Variants in PPP1R1A observed in about 807,000 individuals in gnomAD.
PPP1R1A encodes the protein protein phosphatase 1 regulatory subunit 1A.
In PPP1R1A, 18 loss-of-function variants were observed where a neutral mutation model predicts 23.9. The observed-to-expected ratio is 0.75, with a 90% CI of 0.52 to 1.12. The LOEUF (loss-of-function observed/expected upper bound fraction) is 1.12. PPP1R1A is among the 50% of genes most tolerant of loss of function. PPP1R1A has a pLI of 0.00. For missense variants in PPP1R1A, 207 were observed against 223.8 expected (o/e 0.92, Z 0.48); for synonymous variants, 84 against 80.7 (o/e 1.04, Z -0.22).
At chr12:54,582,895 T>C in intron 3 of PPP1R1A, 100 bp from the exon 4 acceptor site, 2 of 1,240,048 alleles carry the variant, frequency 1.6e-6, no homozygotes, top group Non-Finnish European at 2.3e-6. Flanking sequence ...CCCCCTTGCC[T>C]TCCTCCTCTG....
intron 3 of PPP1R1A, among the ~76,000 whole-genome samples, 175 bp downstream of exon 3, chr12:54,583,036 G>A (rs1169824479): frequency 6.6e-6 from 1 of 151,994 alleles, no homozygotes. Context: ...GTGTATGTGA[G>A]TGTGTGTGTG....
chr12:54,579,537 G>GA lies in PPP1R1A; in HGVS notation c.*849dup. On this transcript the variant is annotated 3_prime_UTR_variant, in exon 7 of 7. Transcript: ENST00000257905. ...TCCTTTCCTCTCTCCCACTACCTGGGAAAATCAAAAACAGCAGCAGGAGAG... is the reference window on the plus strand; with the variant it reads ...TCCTTTCCTCTCTCCCACTACCTGGGAAAAATCAAAAACAGCAGCAGGAGAG... The GA allele has an allele frequency of 1.0e-6, 1 of 985,358 alleles. No homozygotes were observed. The highest frequency in any genetic ancestry group is 1.2e-6 in the Non-Finnish European group (1 of 829,948). 61.0% of individuals were successfully genotyped at this position (985,358 alleles called of 1,614,324 possible). A position where few individuals can be genotyped will look rare whatever the true frequency, so the allele number is the denominator to read the frequency against.
chr12:54,588,254 A>C, intron 1 of PPP1R1A, 151 bp downstream of exon 1: 19 of 250,526 alleles, frequency 7.6e-5, no homozygotes, highest in East Asian at 5.9e-4. Context: ...AGGGGACAGA[A>C]GACCCCCCCC....
rs776705949 is a variant in PPP1R1A at position 54,584,300 on chromosome 12, G to A, written c.105C>T (p.Thr35=). Residue 35 remains threonine (T), a synonymous_variant, in exon 2 of 7, where the codon ACC becomes ACT. Transcript: ENST00000257905. ...AAEQIRRRRP[T]PATLVLTSDQ... is the part of the protein sequence containing the mutation. ...CACTGGTCAGCACGAGGGTGGCAGG[G>A]GTGGGGCGGCGCCTCCGAATCTGAG... 1.9e-6 allele frequency: 3 copies of A among 1,604,522 alleles called. No homozygotes were observed. The highest frequency in any genetic ancestry group is 2.6e-6 in the Non-Finnish European group (3 of 1,176,004).
intron 3 of PPP1R1A, 93 bp from the exon 4 acceptor site, chr12:54,582,888 C>A: frequency 3.8e-6 from 5 of 1,311,290 alleles, no homozygotes; most frequent in Non-Finnish European, 4.3e-6. Flanking sequence ...CTCCAGCCCC[C>A]CTTGCCTTCC....
chr12:54,580,268 C>A lies in PPP1R1A; in HGVS notation c.*119G>T, dbSNP rs1390374646. 2 of 1,525,482 alleles carry A rather than the reference C, an allele frequency of 1.3e-6. No homozygotes were observed. The highest frequency in any genetic ancestry group is 2.8e-5 in the African/African-American group (2 of 72,380). 94.5% of individuals were successfully genotyped at this position (1,525,482 alleles called of 1,614,324 possible). On this transcript the variant is annotated 3_prime_UTR_variant, in exon 7 of 7. Coordinates refer to ENST00000257905, the MANE Select transcript of PPP1R1A (RefSeq NM_006741.4). ...GAAGGAAAGTGCCAAGGACCTAACA[C>A]CAAATTTATCACTTTTTAAAAACAA...
Position 54,581,987 on chromosome 12 carries a change from C to A in PPP1R1A, c.392G>T (p.Gly131Val), listed in dbSNP as rs763570840. Residue 131 changes from glycine to valine, a missense_variant, in exon 5 of 7, where the codon GGG becomes GTG. Physicochemically the swap from Gly to Val is moderately radical, Grantham distance 109. Transcript: ENST00000257905. The surrounding 1 kb of genome is among the most constrained non-coding windows in gnomAD (Gnocchi z 4.1). ...CAGCCTGAACATACTTTTTGCTGTC[C>A]CAGAGGTGCCCAGCCTTGACTCCAC... ...TEVESRLGTS[G>V]TAKKTAECIP... 3 of 1,611,828 alleles carry A rather than the reference C, an allele frequency of 1.9e-6. No individual in the cohort carries two copies. In the Admixed American group the frequency reaches 5.0e-5, roughly 27 times the overall value.
rs1957857493 is a variant in PPP1R1A, at chr12:54,581,731, C to T, written c.403+245G>A. 6.6e-6 allele frequency among the ~76,000 whole-genome samples: 1 copy of T among 152,206 alleles called. No homozygotes were observed. ...TTGCTGTTCCCATGAAGGTGGGTTT[C>T]CCCCATGTAGCCACAGTGGGGCTCT... On this transcript the variant is annotated intron_variant, in intron 5 of 6. Transcript: ENST00000257905. The surrounding 1 kb of genome is among the most constrained non-coding windows in gnomAD (Gnocchi z 4.1).
chr12:54,581,142 G>T lies in PPP1R1A; in HGVS notation c.404-92C>A, dbSNP rs1347246690. The T allele has an allele frequency of 1.8e-5, 18 of 1,020,182 alleles. No homozygotes were observed. The Admixed American group carries it at 2.8e-4, about 16-fold the overall frequency. The allele number at this position is 1,020,182 out of a possible 1,614,324, so 63.2% of individuals were successfully genotyped here. On this transcript the variant is annotated intron_variant, in intron 5 of 6. Transcript: ENST00000257905. The surrounding 1 kb of genome is among the most constrained non-coding windows in gnomAD (Gnocchi z 4.1). ...TTCTCCTCACTGCACCCATACCCCA[G>T]TGGCCCCTGAGAGGGCCCCAGGACC...
rs927202818 is a variant in PPP1R1A at position 54,580,149 on chromosome 12, T to C, written c.*238A>G. The C allele has an allele frequency of 1.3e-5, 18 of 1,338,732 alleles. No homozygotes were observed. The highest frequency in any genetic ancestry group is 1.7e-5 in the Non-Finnish European group (18 of 1,041,152). 82.9% of individuals were successfully genotyped at this position (1,338,732 alleles called of 1,614,324 possible). On this transcript the variant is annotated 3_prime_UTR_variant, in exon 7 of 7. Transcript: ENST00000257905. ...CTCAAGGCTTCTGCCTAGCTCCTGT[T>C]TCTTCCTTCCCAGAGGCAGCTTGGC...
rs757313066 is a variant in PPP1R1A at position 54,581,821 on chromosome 12, G to A, written c.403+155C>T. Among the ~76,000 whole-genome samples the A allele has an allele frequency of 2.0e-5, 3 of 152,142 alleles. No individual in the cohort carries two copies. Among genetic ancestry groups the A allele is most frequent in the Admixed American group, 6.5e-5 (1 of 15,280 alleles). On this transcript the variant is annotated intron_variant, in intron 5 of 6. Coordinates refer to ENST00000257905, the MANE Select transcript of PPP1R1A (RefSeq NM_006741.4). The surrounding 1 kb of genome is among the most constrained non-coding windows in gnomAD (Gnocchi z 4.1). ...AAAAGTGAAGATTCAAATATATGCC[G>A]AACATGCCAACAGATCCATATCCTT...
intron 1 of PPP1R1A, among the ~76,000 whole-genome samples, chr12:54,586,596 A>C (rs577501023): frequency 1.3e-5 from 2 of 152,306 alleles, no homozygotes; most frequent in East Asian, 3.9e-4. Context: ...CTTTTTGCCT[A>C]ACACAGCAGG....
chr12:54,587,415 A>G (rs1592185082), intron 1 of PPP1R1A, among the ~76,000 whole-genome samples: 1 of 152,230 alleles, frequency 6.6e-6, no homozygotes, highest in Non-Finnish European at 1.5e-5. Context: ...GATTACAAAG[A>G]GATGGAGCAA....
rs1267388158 is a variant in PPP1R1A at position 54,582,033 on chromosome 12, G to C, written c.346C>G (p.Pro116Ala). The change falls in exon 5 of 7, where the codon CCT (proline) becomes GCT (alanine). Residue 116 changes from proline (P) to alanine (A), a missense_variant. Physicochemically the swap from Pro to Ala is conservative, Grantham distance 27. Transcript: ENST00000257905. The stretch of plus-strand genomic sequence containing the variant: ...TCCACTTCTGTGTCTGGGATCCCAG[G>C]TGGGCGGGACTCCTGGGTTCCTGTG... ...ESTGTQESRP[P>A]GIPDTEVESR... 1 of 1,613,778 alleles carries C rather than the reference G, an allele frequency of 6.2e-7. No individual in the cohort carries two copies. Among genetic ancestry groups the C allele is most frequent in the Admixed American group, 1.7e-5 (1 of 60,024 alleles).
intron 2 of PPP1R1A, among the ~76,000 whole-genome samples, chr12:54,583,906 G>C (rs934265634): frequency 1.3e-5 from 2 of 152,146 alleles, no homozygotes; most frequent in Non-Finnish European, 2.9e-5. Context: ...TGAAGAGCTG[G>C]TGGAGGCGGT....
At position 54,582,501 on chromosome 12, in the gene PPP1R1A, T is replaced by C. The variant is rs546647685; in HGVS notation, c.247+231A>G. 9.2e-5 allele frequency among the ~76,000 whole-genome samples: 14 copies of C among 152,266 alleles called. No individual in the cohort carries two copies. In the South Asian group the frequency reaches 2.5e-3, roughly 27 times the overall value. Reference sequence around the variant, plus strand: ...TGCACTGTGCCGGTGAGTTCACATATATTATTTTATCTGCCATAATGAGGT... The same window carrying C: ...TGCACTGTGCCGGTGAGTTCACATACATTATTTTATCTGCCATAATGAGGT... On this transcript the variant is annotated intron_variant, in intron 4 of 6. Transcript: ENST00000257905.
In PPP1R1A at chr12:54,581,135, T is replaced by C; in HGVS notation, c.404-85A>G. 2.8e-6 allele frequency: 3 copies of C among 1,066,612 alleles called. No homozygotes were observed. The highest frequency in any genetic ancestry group is 2.4e-5 in the East Asian group (1 of 42,222). 66.1% of individuals were successfully genotyped at this position (1,066,612 alleles called of 1,614,324 possible). ...GAACTGCTTCTCCTCACTGCACCCA[T>C]ACCCCAGTGGCCCCTGAGAGGGCCC... On this transcript the variant is annotated intron_variant, in intron 5 of 6. Transcript: ENST00000257905. The surrounding 1 kb of genome is among the most constrained non-coding windows in gnomAD (Gnocchi z 4.1).
Position 54,581,192 on chromosome 12 carries a change from C to A in PPP1R1A, c.404-142G>T. Reference sequence around the variant, plus strand: ...CAAGTTGGGTGCAATCAGGCAAGACCAACAGGGTTTTCTTTGATCACAATT... The same window carrying A: ...CAAGTTGGGTGCAATCAGGCAAGACAAACAGGGTTTTCTTTGATCACAATT... On this transcript the variant is annotated intron_variant, in intron 5 of 6. Coordinates refer to ENST00000257905, the MANE Select transcript of PPP1R1A (RefSeq NM_006741.4). The surrounding 1 kb of genome is among the most constrained non-coding windows in gnomAD (Gnocchi z 4.1). 1.6e-6 allele frequency: 1 copy of A among 633,230 alleles called. No homozygotes were observed. The highest frequency in any genetic ancestry group is 2.8e-6 in the Non-Finnish European group (1 of 353,554). The allele number at this position is 633,230 out of a possible 1,614,324, so 39.2% of individuals were successfully genotyped here.
Position 54,580,195 on chromosome 12 carries a change from G to T in PPP1R1A, c.*192C>A. ...TTGGCAGGAGGGTGGGGGCTACAGAGAGGGCAGGGCAAGAAGGCAGGGAGA... is the reference window on the plus strand; with the variant it reads ...TTGGCAGGAGGGTGGGGGCTACAGATAGGGCAGGGCAAGAAGGCAGGGAGA... On this transcript the variant is annotated 3_prime_UTR_variant, in exon 7 of 7. Coordinates refer to ENST00000257905, the MANE Select transcript of PPP1R1A (RefSeq NM_006741.4). 7.1e-7 allele frequency: 1 copy of T among 1,400,556 alleles called. No individual in the cohort carries two copies. 86.8% of individuals were successfully genotyped at this position (1,400,556 alleles called of 1,614,324 possible).
Sources: allele counts gnomAD v4.1 joint callset (sites outside exome capture counted in the v4.1 genomes callset), GRCh38; gene constraint gnomAD v4.1.1; non-coding constraint Gnocchi (gnomAD v3.1); transcripts MANE v1.5; gene names NCBI Gene and HGNC (gene_info 2026-07-23, HGNC 2026-07-21).